FGF13: variants seen among roughly 807,000 people sequenced by gnomAD.
FGF13 encodes fibroblast growth factor homologous factor 2.
In FGF13, 2 loss-of-function variants were observed where a neutral mutation model predicts 19.5. The observed-to-expected ratio is 0.10, with a 90% CI of 0.04 to 0.32. The LOEUF (loss-of-function observed/expected upper bound fraction) is 0.32. Among genes scored for constraint, FGF13 ranks in the 10% least tolerant of loss-of-function variants. The pLI, the probability that FGF13 is intolerant of heterozygous loss-of-function variation, is 1.00. For synonymous variants in FGF13, 72 were observed against 76.9 expected (o/e 0.94, Z 0.33); for missense variants, 113 against 192.7 (o/e 0.59, Z 2.45).
At chrX:138,768,738 G>GATATATATATATATATAT (rs1207173971) in intron 3 of FGF13, among the ~76,000 whole-genome samples, 2 of 94,751 alleles carry the variant, frequency 2.1e-5, no homozygotes, top group African/African-American at 8.4e-5. Context: ...ATATATATAT[G>GATATATATATATATATAT]ATATATATAT....
chrX:138,931,651 A>G (rs1024650627), intron 1 of FGF13, among the ~76,000 whole-genome samples: 5 of 111,878 alleles, frequency 4.5e-5, no homozygotes, highest in Non-Finnish European at 9.4e-5. Context: ...ACATAGCTAT[A>G]TGTGAATAGA....
intron 1 of FGF13, among the ~76,000 whole-genome samples, chrX:139,079,094 T>C (rs1384121939): frequency 1.8e-5 from 2 of 112,392 alleles, no homozygotes; most frequent in African/African-American, 6.5e-5. Context: ...TCATCAGCTC[T>C]GACATGGAGC....
intron 1 of FGF13, among the ~76,000 whole-genome samples, chrX:138,872,884 C>A (rs2091365858): frequency 9.0e-6 from 1 of 111,171 alleles, no homozygotes; most frequent in Non-Finnish European, 1.9e-5. Context: ...AGGGGGAGGG[C>A]CTTTGTGACA....
At chrX:138,955,957 C>T (rs753516496) in intron 1 of FGF13, among the ~76,000 whole-genome samples, 1 of 112,194 alleles carries the variant, frequency 8.9e-6, no homozygotes, top group Non-Finnish European at 1.9e-5. Context: ...CCAGGAAAGA[C>T]TAGGCTTGGC....
intron 3 of FGF13, among the ~76,000 whole-genome samples, chrX:138,763,808 T>C (rs996862485): frequency 3.6e-5 from 4 of 111,388 alleles, no homozygotes; most frequent in African/African-American, 9.8e-5. Context: ...TCTTCAGCAA[T>C]GGGACAGCTG....
At chrX:139,194,915 G>A (rs184020227) in intron 1 of FGF13, among the ~76,000 whole-genome samples, 142 of 111,844 alleles carry the variant, frequency 1.3e-3, no homozygotes, top group African/African-American at 4.2e-3. Flanking sequence ...CGACTGGGCC[G>A]TGGGTATCGA....
chrX:138,907,566 C>G (rs1378253816), intron 1 of FGF13, among the ~76,000 whole-genome samples: 1 of 111,567 alleles, frequency 9.0e-6, no homozygotes, highest in Non-Finnish European at 1.9e-5. Context: ...TGCTTCATTT[C>G]TGAGCTGGGA....
At chrX:138,675,316 T>C (rs2089654074) in intron 3 of FGF13, among the ~76,000 whole-genome samples, 1 of 111,906 alleles carries the variant, frequency 8.9e-6, no homozygotes, top group Non-Finnish European at 1.9e-5. Context: ...GTTAGAAAAA[T>C]ATTTTTCTTT....
Position 138,730,345 on chromosome X carries a change from AT to A in FGF13, c.28+8896del, listed in dbSNP as rs1355790671. On this transcript the variant is annotated intron_variant, in intron 1 of 4. Coordinates refer to the FGF13 transcript ENST00000305414. ...GAACTTAAAGTATAATAATAAAAAA[AT>A]AATAATAATGTGTGCATGTATATAG... Among the ~76,000 whole-genome samples, 5 of 111,602 alleles carry A rather than the reference AT, an allele frequency of 4.5e-5. No individual in the cohort carries two copies. The South Asian group carries it at 1.1e-3, about 25-fold the overall frequency.
rs186396493 is a variant in FGF13, at chrX:138,837,111, C to A, written c.217+20401G>T. Among the ~76,000 whole-genome samples the A allele has an allele frequency of 1.7e-4, 19 of 112,164 alleles. No homozygotes were observed. In the East Asian group the frequency reaches 4.0e-3, roughly 23 times the overall value. On this transcript the variant is annotated intron_variant, in intron 3 of 6. Coordinates refer to the FGF13 transcript ENST00000436198. ...AAACACATGTATAGGAGGTGGCGGG[C>A]AATCCCAGTTGGGTGGTCTTGCCCA...
chrX:139,113,186 T>A (rs2083616244), intron 1 of FGF13, among the ~76,000 whole-genome samples: 1 of 111,001 alleles, frequency 9.0e-6, no homozygotes, highest in Non-Finnish European at 1.9e-5. Context: ...CTGTCTAGAT[T>A]CAGCCACAGA....
intron 1 of FGF13, among the ~76,000 whole-genome samples, chrX:138,727,303 GC>G (rs2090193035): frequency 1.8e-5 from 2 of 110,399 alleles, no homozygotes; most frequent in South Asian, 7.9e-4. Context: ...GGAAGCAGTA[GC>G]CTTCATTGAA....
At chrX:138,734,528 T>C (rs2090258118) in intron 1 of FGF13, among the ~76,000 whole-genome samples, 1 of 111,628 alleles carries the variant, frequency 9.0e-6, no homozygotes, top group Non-Finnish European at 1.9e-5. Flanking sequence ...TGTCATATGA[T>C]TGGTTTAGCC....
In FGF13 at chrX:138,679,187, C is replaced by T. The variant is rs761349552; in HGVS notation, c.402+23797G>A. ...AATCTCCTGGGCTCAAGCAATCCTC[C>T]CACCTCAGTTTCCTGAGTAGTTGGG... On this transcript the variant is annotated intron_variant, in intron 3 of 4. Transcript: ENST00000315930. Among the ~76,000 whole-genome samples the T allele has an allele frequency of 1.1e-4, 12 of 111,520 alleles. No individual in the cohort carries two copies. The South Asian group carries it at 4.6e-3, about 43-fold the overall frequency.
At chrX:138,673,776 A>G (rs141883122) in intron 3 of FGF13, among the ~76,000 whole-genome samples, 2,121 of 111,277 alleles carry the variant, frequency 0.019, 43 homozygotes, top group African/African-American at 0.064. Flanking sequence ...CTAGACTGAG[A>G]AATTTGAGTA....
At chrX:139,185,938 A>T (rs1437759334) in intron 1 of FGF13, among the ~76,000 whole-genome samples, 2 of 110,505 alleles carry the variant, frequency 1.8e-5, no homozygotes. Context: ...AGTCCAGTAC[A>T]GGGGACCATT....
At chrX:138,981,374 G>A (rs1420818117) in intron 1 of FGF13, among the ~76,000 whole-genome samples, 1 of 108,201 alleles carries the variant, frequency 9.2e-6, no homozygotes, top group Non-Finnish European at 1.9e-5. Context: ...CACAAGGGAG[G>A]AGGGTTATCC....
At chrX:138,702,456 C>T (rs1278272643) in intron 3 of FGF13, among the ~76,000 whole-genome samples, 2 of 111,298 alleles carry the variant, frequency 1.8e-5, no homozygotes, top group African/African-American at 6.5e-5. Flanking sequence ...AAAAGACAAG[C>T]AGGAATTTAT....
In FGF13 at chrX:138,984,545, G is replaced by C. The variant is rs1431641609; in HGVS notation, c.-112-119895C>G. On this transcript the variant is annotated intron_variant, in intron 1 of 2. Transcript: ENST00000421460. ...AGAGGAAGAAGAAGAAGAAGAAGAA[G>C]AAGAAGAAGAAGAAGAAGAAGAAGA... Among the ~76,000 whole-genome samples the C allele has an allele frequency of 4.4e-3, 148 of 33,361 alleles. 11 individuals are homozygous for C. Among genetic ancestry groups the C allele is most frequent in the African/African-American group, 0.01 (95 of 9,190 alleles). The allele number at this position is 33,361 out of a possible 115,157, so 29.0% of individuals were successfully genotyped here.
Sources: allele counts gnomAD v4.1 joint callset (sites outside exome capture counted in the v4.1 genomes callset), GRCh38; gene constraint gnomAD v4.1.1; transcripts MANE v1.5; gene names NCBI Gene and HGNC (gene_info 2026-07-23, HGNC 2026-07-21).